Variants in SEMA3E observed in about 807,000 individuals in gnomAD.
SEMA3E encodes semaphorin 3E.
SEMA3E carries 49 observed loss-of-function variants against 93.6 expected under a neutral mutation model. The observed-to-expected ratio is 0.52, with a 90% confidence interval of 0.42 to 0.66. The LOEUF (loss-of-function observed/expected upper bound fraction) is 0.66, where lower values mean the gene tolerates loss of function less well. Ranked by LOEUF, SEMA3E falls within the 30% of genes least tolerant of loss-of-function variation. The pLI, the probability that SEMA3E is intolerant of heterozygous loss-of-function variation, is 0.00. For missense variants in SEMA3E, 906 were observed against 964.8 expected (o/e 0.94, Z 0.81); for synonymous variants, 363 against 330.7 (o/e 1.10, Z -1.06).
intron 1 of SEMA3E, among the ~76,000 whole-genome samples, chr7:83,569,142 C>CAA (rs200678421): frequency 2.2e-4 from 32 of 142,390 alleles, no homozygotes; most frequent in African/African-American, 7.9e-4. Context: ...GCAATAGCTA[C>CAA]AAAAAAAAAA....
intron 1 of SEMA3E, among the ~76,000 whole-genome samples, chr7:83,553,719 T>C (rs1007397704): frequency 6.6e-6 from 1 of 152,188 alleles, no homozygotes. Flanking sequence ...ACATTTTGTT[T>C]AAGATTTTCT....
intron 12 of SEMA3E, among the ~76,000 whole-genome samples, chr7:83,395,280 T>C (rs1202256540): frequency 6.6e-6 from 1 of 152,098 alleles, no homozygotes. Context: ...CCGGTTGATA[T>C]AGGATAGTGG....
At chr7:83,489,425 A>G (rs1010492983) in intron 2 of SEMA3E, among the ~76,000 whole-genome samples, 3 of 130,958 alleles carry the variant, frequency 2.3e-5, no homozygotes, top group Admixed American at 8.4e-5. Context: ...TTTAGAAAAT[A>G]TGGACATGGC....
At chr7:83,415,497 C>T (rs1020883559) in intron 5 of SEMA3E, among the ~76,000 whole-genome samples, 22 of 152,006 alleles carry the variant, frequency 1.4e-4, no homozygotes, top group African/African-American at 4.8e-4. Context: ...AATCCTTTGT[C>T]GCATAGAATT....
At chr7:83,543,412 A>T (rs1291064932) in intron 1 of SEMA3E, among the ~76,000 whole-genome samples, 1 of 152,042 alleles carries the variant, frequency 6.6e-6, no homozygotes, top group Non-Finnish European at 1.5e-5. Context: ...TGCAAGTACC[A>T]AAATACTTCT....
intron 1 of SEMA3E, among the ~76,000 whole-genome samples, chr7:83,544,969 A>C (rs550239942): frequency 1.3e-5 from 2 of 152,266 alleles, no homozygotes; most frequent in East Asian, 3.9e-4. Flanking sequence ...TTAAACTACT[A>C]GATGAAAGCA....
chr7:83,631,470 G>A (rs1190665398), intron 1 of SEMA3E, among the ~76,000 whole-genome samples: 2 of 152,072 alleles, frequency 1.3e-5, no homozygotes, highest in Non-Finnish European at 1.5e-5. Flanking sequence ...AAAACAAAAC[G>A]ACTTTATAAG....
In SEMA3E at chr7:83,407,101, CAG is replaced by C. The variant is rs755681541; in HGVS notation, c.807_808del (p.Val271GlufsTer2). 1.2e-6 allele frequency: 2 copies of C among 1,613,456 alleles called. No individual in the cohort carries two copies. Among genetic ancestry groups the C allele is most frequent in the South Asian group, 1.1e-5 (1 of 91,082 alleles). ...TAATGAGAGAGAAAGCCTCACCACA[CAG>C]AGTCGCCCGACCCTGGTGTAAATTG... On this transcript the variant is annotated frameshift_variant, in exon 7 of 17. Coordinates refer to ENST00000643230, the MANE Select transcript of SEMA3E (RefSeq NM_012431.3). LOFTEE classifies it high-confidence loss of function.
intron 16 of SEMA3E, chr7:83,371,962 A>C (rs1794754971): frequency 7.6e-6 from 2 of 264,456 alleles, no homozygotes; most frequent in Admixed American, 5.3e-5. Context: ...ATTTCTTTTC[A>C]AATTATTTTT....
At chr7:83,373,348 T>G (rs866064079) in intron 16 of SEMA3E, among the ~76,000 whole-genome samples, 25 of 151,034 alleles carry the variant, frequency 1.7e-4, no homozygotes, top group Non-Finnish European at 3.4e-4. Flanking sequence ...AATTTATATA[T>G]TTGTTTGTTT....
At chr7:83,617,976 A>G (rs1354825406) in intron 1 of SEMA3E, among the ~76,000 whole-genome samples, 2 of 152,088 alleles carry the variant, frequency 1.3e-5, no homozygotes, top group South Asian at 2.1e-4. Flanking sequence ...AAAGAACACT[A>G]TAGTCCATAA....
At chr7:83,560,932 T>C (rs1283886117) in intron 1 of SEMA3E, among the ~76,000 whole-genome samples, 1 of 152,048 alleles carries the variant, frequency 6.6e-6, no homozygotes, top group Non-Finnish European at 1.5e-5. Context: ...GTCAATTATA[T>C]AACACTGCTT....
intron 4 of SEMA3E, among the ~76,000 whole-genome samples, chr7:83,463,745 T>G (rs1466350868): frequency 6.6e-6 from 1 of 152,156 alleles, no homozygotes; most frequent in Non-Finnish European, 1.5e-5. Flanking sequence ...CTCATTTCCT[T>G]TCCATCGTGG....
intron 1 of SEMA3E, among the ~76,000 whole-genome samples, chr7:83,627,001 T>C (rs1038282573): frequency 6.6e-6 from 1 of 152,236 alleles, no homozygotes; most frequent in Non-Finnish European, 1.5e-5. Context: ...TCAGTTTCCA[T>C]GTAGTTGTGC....
intron 4 of SEMA3E, among the ~76,000 whole-genome samples, chr7:83,458,576 G>C (rs1395700286): frequency 6.6e-6 from 1 of 151,776 alleles, no homozygotes; most frequent in East Asian, 1.9e-4. Flanking sequence ...GCAAATGAAA[G>C]GTAGTGCCTG....
chr7:83,471,839 G>A (rs1265397481), intron 2 of SEMA3E, among the ~76,000 whole-genome samples: 1 of 152,046 alleles, frequency 6.6e-6, no homozygotes, highest in African/African-American at 2.4e-5. Flanking sequence ...AATCTTTGAA[G>A]GGAGCAAAAA....
chr7:83,591,106 C>CAAA (rs202162169), intron 1 of SEMA3E, among the ~76,000 whole-genome samples: 3,718 of 114,404 alleles, frequency 0.032, 105 homozygotes, highest in Middle Eastern at 0.075. Context: ...GAGTTATTTG[C>CAAA]AAAAAAAAAA....
chr7:83,474,114 A>G (rs964188925), intron 2 of SEMA3E, among the ~76,000 whole-genome samples: 2 of 151,370 alleles, frequency 1.3e-5, no homozygotes, highest in African/African-American at 4.9e-5. Flanking sequence ...AAAAAAAAAA[A>G]AAGAAAAATA....
intron 1 of SEMA3E, among the ~76,000 whole-genome samples, chr7:83,632,375 A>G (rs1793804588): frequency 6.6e-6 from 1 of 152,114 alleles, no homozygotes; most frequent in African/African-American, 2.4e-5. Context: ...TGCCCCACCC[A>G]AATCTCAGCT....
Sources: allele counts gnomAD v4.1 joint callset (sites outside exome capture counted in the v4.1 genomes callset), GRCh38; gene constraint gnomAD v4.1.1; transcripts MANE v1.5; gene names NCBI Gene and HGNC (gene_info 2026-07-23, HGNC 2026-07-21).